Variants in CSMD1 observed in about 807,000 individuals in gnomAD.
The protein encoded by CSMD1 is CUB and Sushi multiple domains 1.
In CSMD1, 213 loss-of-function variants were observed where a neutral mutation model predicts 417.5. The ratio of observed to expected loss-of-function variants is 0.51; its 90% CI spans 0.46 to 0.57. The LOEUF (loss-of-function observed/expected upper bound fraction) is 0.57, where lower values mean the gene tolerates loss of function less well. Among genes scored for constraint, CSMD1 ranks in the 20% least tolerant of loss-of-function variants. CSMD1 has a pLI of 0.00. For missense variants in CSMD1, 6,923 were observed against 4,529.7 expected, an observed-to-expected ratio of 1.53 and a Z score of -15.17; for synonymous variants, 2,862 against 1,736.8, an observed-to-expected ratio of 1.65 and a Z score of -16.11.
chr8:3,164,205 G>A (rs1358893906), intron 37 of CSMD1, among the ~76,000 whole-genome samples: 1 of 152,160 alleles, frequency 6.6e-6, no homozygotes, highest in Non-Finnish European at 1.5e-5. Flanking sequence ...GAAAGCAGTG[G>A]TACATAAACT....
intron 1 of CSMD1, among the ~76,000 whole-genome samples, chr8:4,854,296 G>A (rs1801660247): frequency 1.3e-5 from 2 of 152,290 alleles, no homozygotes; most frequent in South Asian, 2.1e-4. Flanking sequence ...CTTGGTAGGA[G>A]GTGTTGGGTT....
chr8:4,397,547 T>C (rs555404085), intron 3 of CSMD1, among the ~76,000 whole-genome samples: 1 of 142,304 alleles, frequency 7.0e-6, no homozygotes, highest in South Asian at 2.2e-4. Context: ...TTTTTTTTTT[T>C]TTTTTGAGAC....
intron 1 of CSMD1, among the ~76,000 whole-genome samples, chr8:4,751,913 C>A (rs576203238): frequency 2.6e-5 from 4 of 152,112 alleles, no homozygotes; most frequent in Non-Finnish European, 5.9e-5. Flanking sequence ...AGTGTTAGTT[C>A]CAGAGTCAGG....
intron 1 of CSMD1, among the ~76,000 whole-genome samples, chr8:4,670,403 G>T (rs1805221463): frequency 6.6e-6 from 1 of 152,134 alleles, no homozygotes; most frequent in Non-Finnish European, 1.5e-5. Flanking sequence ...GAAGTCATGG[G>T]AAAGAAAATG....
intron 52 of CSMD1, among the ~76,000 whole-genome samples, chr8:3,008,328 CAG>C (rs1554487609): frequency 1.3e-5 from 2 of 152,198 alleles, no homozygotes; most frequent in Non-Finnish European, 2.9e-5. Context: ...GGGACACACA[CAG>C]GGAAAACCAC....
At chr8:3,958,563 A>C (rs1333762030) in intron 5 of CSMD1, among the ~76,000 whole-genome samples, 1 of 152,138 alleles carries the variant, frequency 6.6e-6, no homozygotes, top group African/African-American at 2.4e-5. Context: ...GTATCAATTT[A>C]CTCATTTATC....
intron 7 of CSMD1, among the ~76,000 whole-genome samples, chr8:3,703,039 G>C (rs1800955451): frequency 6.6e-6 from 1 of 152,004 alleles, no homozygotes; most frequent in Non-Finnish European, 1.5e-5. Context: ...TCAAAATTTA[G>C]AGCATATAAA....
chr8:4,061,777 G>C (rs752869204), intron 3 of CSMD1, among the ~76,000 whole-genome samples: 14 of 152,240 alleles, frequency 9.2e-5, no homozygotes, highest in Admixed American at 7.2e-4. Flanking sequence ...TACCTAAAAA[G>C]GAGTTCTCCA....
At chr8:3,251,972 A>G (rs1402823823) in intron 26 of CSMD1, among the ~76,000 whole-genome samples, 1 of 152,158 alleles carries the variant, frequency 6.6e-6, no homozygotes, top group Non-Finnish European at 1.5e-5. Flanking sequence ...GGGCTGAGAC[A>G]ATGCGGTTTT....
chr8:3,981,515 A>G (rs141440959), intron 5 of CSMD1, among the ~76,000 whole-genome samples: 34,934 of 148,454 alleles, frequency 0.24, 4,427 homozygotes, highest in East Asian at 0.4. Context: ...AAAAAAAAAA[A>G]AAAAAAAAAA....
chr8:4,697,580 G>C (rs1249902231), intron 1 of CSMD1, among the ~76,000 whole-genome samples: 2 of 152,086 alleles, frequency 1.3e-5, no homozygotes, highest in Non-Finnish European at 1.5e-5. Context: ...GTATTCAAGT[G>C]ACTATTGACT....
At chr8:4,804,629 C>T (rs1798489870) in intron 1 of CSMD1, among the ~76,000 whole-genome samples, 1 of 151,844 alleles carries the variant, frequency 6.6e-6, no homozygotes, top group African/African-American at 2.4e-5. Flanking sequence ...ATATAAAAGG[C>T]AGAGAGAGAT....
intron 1 of CSMD1, among the ~76,000 whole-genome samples, chr8:4,897,653 A>G (rs1408169102): frequency 6.6e-6 from 1 of 152,130 alleles, no homozygotes; most frequent in South Asian, 2.1e-4. Flanking sequence ...ATATGATATT[A>G]TTTATACAGT....
chr8:4,889,799 T>C (rs1263549600), intron 1 of CSMD1, among the ~76,000 whole-genome samples: 3 of 152,152 alleles, frequency 2.0e-5, no homozygotes, highest in Non-Finnish European at 4.4e-5. Flanking sequence ...GGGCCTACTA[T>C]GTTGAAACTT....
chr8:4,427,582 A>C (rs1390548201), intron 2 of CSMD1, among the ~76,000 whole-genome samples: 3 of 152,134 alleles, frequency 2.0e-5, no homozygotes, highest in Non-Finnish European at 4.4e-5. Context: ...AATGTCCGCC[A>C]TCATTTGGAG....
intron 12 of CSMD1, among the ~76,000 whole-genome samples, chr8:3,444,497 C>T (rs1015856431): frequency 2.0e-5 from 3 of 152,172 alleles, no homozygotes; most frequent in Admixed American, 6.5e-5. Context: ...TTGCTACCAT[C>T]TTCTCTCCCC....
intron 3 of CSMD1, among the ~76,000 whole-genome samples, chr8:4,280,232 T>TAG (rs1426862256): frequency 9.8e-5 from 15 of 152,348 alleles, no homozygotes; most frequent in Non-Finnish European, 1.0e-4. Context: ...TTTCTCTCTT[T>TAG]AGGCATATAG....
intron 1 of CSMD1, among the ~76,000 whole-genome samples, chr8:4,924,745 A>AAAAAAC (rs869281900): frequency 6.7e-6 from 1 of 149,736 alleles, no homozygotes; most frequent in African/African-American, 2.5e-5. Context: ...AAAAAAAAAA[A>AAAAAAC]CCTACAAAAA....
chr8:3,919,712 A>G (rs1809096644), intron 5 of CSMD1, among the ~76,000 whole-genome samples: 1 of 152,144 alleles, frequency 6.6e-6, no homozygotes, highest in Admixed American at 6.6e-5. Context: ...GAATCTGTAG[A>G]TGACTTTGCG....
Sources: allele counts gnomAD v4.1 joint callset (sites outside exome capture counted in the v4.1 genomes callset), GRCh38; gene constraint gnomAD v4.1.1; transcripts MANE v1.5; gene names NCBI Gene and HGNC (gene_info 2026-07-23, HGNC 2026-07-21).